Variants in TAFA2 observed in about 807,000 individuals in gnomAD.
TAFA2 encodes the protein TAFA chemokine like family member 2, also known as chemokine-like protein TAFA-2.
In TAFA2, 7 loss-of-function variants were observed where a neutral mutation model predicts 18.8. The observed-to-expected ratio is 0.37, with a 90% CI of 0.21 to 0.70. The LOEUF is 0.70. Among genes scored for constraint, TAFA2 ranks in the 30% least tolerant of loss-of-function variants. TAFA2 has a pLI of 0.53. For missense variants in TAFA2, 122 were observed against 158.1 expected, an observed-to-expected ratio of 0.77 and a Z score of 1.23; for synonymous variants, 60 against 54.2, an observed-to-expected ratio of 1.11 and a Z score of -0.47.
intron 2 of TAFA2, among the ~76,000 whole-genome samples, chr12:61,836,756 TACAC>T (rs58707678): frequency 1.7e-5 from 2 of 119,846 alleles, no homozygotes; most frequent in Non-Finnish European, 1.8e-5. Flanking sequence ...TATATATATA[TACAC>T]ACACACACAC....
intron 1 of TAFA2, among the ~76,000 whole-genome samples, chr12:61,978,111 T>C (rs1879502415): frequency 6.6e-6 from 1 of 152,078 alleles, no homozygotes; most frequent in African/African-American, 2.4e-5. Context: ...TGCAAGTTAC[T>C]CAGCTTCTCT....
intron 1 of TAFA2, among the ~76,000 whole-genome samples, chr12:62,200,973 T>A (rs1165916504): frequency 6.6e-6 from 1 of 152,196 alleles, no homozygotes; most frequent in Non-Finnish European, 1.5e-5. Flanking sequence ...TTGTTAGCTG[T>A]ATTCCTAGGT....
At chr12:62,196,369 A>C (rs2062649190), upstream of TAFA2, among the ~76,000 whole-genome samples, 1 of 152,134 alleles carries the variant, frequency 6.6e-6, no homozygotes, top group Non-Finnish European at 1.5e-5. Flanking sequence ...CTTTGCATTC[A>C]CAACTTGCCT....
chr12:61,932,896 T>C (rs1419940248), intron 1 of TAFA2, among the ~76,000 whole-genome samples: 1 of 152,176 alleles, frequency 6.6e-6, no homozygotes, highest in African/African-American at 2.4e-5. Context: ...GGAAGATCCA[T>C]TGGAAATTAT....
intron 4 of TAFA2, among the ~76,000 whole-genome samples, chr12:61,717,997 G>A (rs1056644631): frequency 6.6e-6 from 1 of 152,186 alleles, no homozygotes; most frequent in African/African-American, 2.4e-5. Flanking sequence ...GGGATAAAAT[G>A]TCGTTTTGAT....
intron 1 of TAFA2, among the ~76,000 whole-genome samples, chr12:62,005,877 C>A (rs1406522853): frequency 6.6e-6 from 1 of 152,094 alleles, no homozygotes. Context: ...AATGAAAAAA[C>A]ATGTCTGAGA....
chr12:61,909,378 A>G (rs190468403), intron 1 of TAFA2, among the ~76,000 whole-genome samples: 3 of 152,296 alleles, frequency 2.0e-5, no homozygotes, highest in Non-Finnish European at 4.4e-5. Flanking sequence ...CTAGGGGAAG[A>G]CATCTAGGTT....
intron 1 of TAFA2, among the ~76,000 whole-genome samples, chr12:62,086,308 A>C (rs1046844258): frequency 6.6e-6 from 1 of 152,182 alleles, no homozygotes; most frequent in South Asian, 2.1e-4. Flanking sequence ...GATTTCCTCA[A>C]GGTTAAAAAC....
chr12:62,184,499 A>AATTTTTTTTTTTT (rs1555196652), intron 1 of TAFA2, among the ~76,000 whole-genome samples: 1 of 33,982 alleles, frequency 2.9e-5, no homozygotes, highest in African/African-American at 1.2e-4. Flanking sequence ...GAAAAAAAAA[A>AATTTTTTTTTTTT]TTCTTTTTTT....
intron 1 of TAFA2, among the ~76,000 whole-genome samples, chr12:62,115,750 T>G (rs1163334547): frequency 1.3e-5 from 2 of 152,152 alleles, no homozygotes; most frequent in East Asian, 3.9e-4. Flanking sequence ...ATTCGCAAAC[T>G]CTATTTATCT....
chr12:61,892,388 T>C (rs767138252), intron 1 of TAFA2, among the ~76,000 whole-genome samples: 10 of 152,162 alleles, frequency 6.6e-5, no homozygotes, highest in Admixed American at 1.3e-4. Flanking sequence ...CTAGAGCACA[T>C]AGACACTATT....
intron 2 of TAFA2, among the ~76,000 whole-genome samples, chr12:61,761,370 T>C (rs1467400269): frequency 6.6e-6 from 1 of 152,058 alleles, no homozygotes; most frequent in African/African-American, 2.4e-5. Flanking sequence ...TCACATCTGA[T>C]TGATCACTTG....
chr12:61,931,343 T>C (rs2121394849), intron 1 of TAFA2, among the ~76,000 whole-genome samples: 1 of 152,302 alleles, frequency 6.6e-6, no homozygotes, highest in South Asian at 2.1e-4. Flanking sequence ...ATGAAAATAA[T>C]TTTAGATGAA....
chr12:62,174,806 T>A (rs1264092911), intron 1 of TAFA2, among the ~76,000 whole-genome samples: 2 of 152,336 alleles, frequency 1.3e-5, no homozygotes, highest in Admixed American at 6.5e-5. Context: ...TATTTCTCCT[T>A]ATATAACTGT....
intron 1 of TAFA2, among the ~76,000 whole-genome samples, chr12:62,239,839 C>T (rs1220083029): frequency 6.6e-6 from 1 of 152,098 alleles, no homozygotes; most frequent in Non-Finnish European, 1.5e-5. Flanking sequence ...AGTGAGCTGT[C>T]CCCACTGAGC....
chr12:61,970,425 T>A (rs1879208694), intron 1 of TAFA2, among the ~76,000 whole-genome samples: 1 of 151,494 alleles, frequency 6.6e-6, no homozygotes, highest in South Asian at 2.1e-4. Flanking sequence ...TTGTTAAATA[T>A]GATAAGAATA....
intron 1 of TAFA2, among the ~76,000 whole-genome samples, chr12:62,213,733 C>T (rs527724115): frequency 1.3e-5 from 2 of 152,122 alleles, no homozygotes; most frequent in South Asian, 4.1e-4. Flanking sequence ...TCAGAATTTA[C>T]AATCCAAGTT....
intron 1 of TAFA2, among the ~76,000 whole-genome samples, chr12:61,968,360 A>G (rs1162822172): frequency 6.6e-6 from 1 of 151,804 alleles, no homozygotes; most frequent in East Asian, 1.9e-4. Flanking sequence ...TTGGAGCTCC[A>G]TTAGTACTCT....
At position 62,043,264 on chromosome 12, in the gene TAFA2, C is replaced by T. The variant is rs1881812222; in HGVS notation, c.-2+147995G>A. ...TTAAGAAAATGTGGCACATATACAC[C>T]ATGGAATACTATGCAGCCATAAAAA... is the stretch of plus-strand genomic sequence containing the variant. On this transcript the variant is annotated intron_variant, in intron 1 of 4. Coordinates refer to ENST00000416284, the MANE Select transcript of TAFA2 (RefSeq NM_178539.5). Among the ~76,000 whole-genome samples, 5 of 152,216 alleles carry T rather than the reference C, an allele frequency of 3.3e-5. 1 individual carries two copies. The South Asian group carries it at 1.0e-3, about 32-fold the overall frequency.
Sources: allele counts gnomAD v4.1 joint callset (sites outside exome capture counted in the v4.1 genomes callset), GRCh38; gene constraint gnomAD v4.1.1; transcripts MANE v1.5; gene names NCBI Gene and HGNC (gene_info 2026-07-23, HGNC 2026-07-21).